Variants in ELAVL4 observed in about 807,000 individuals in gnomAD.
ELAVL4 encodes the protein ELAV-like protein 4.
ELAVL4 carries 1 observed loss-of-function variant against 35.6 expected under a neutral mutation model. The observed-to-expected ratio is 0.03, with a 90% CI of 0.01 to 0.13. The LOEUF (loss-of-function observed/expected upper bound fraction) is 0.13. ELAVL4 is among the 10% of genes least tolerant of loss of function. The pLI is 1.00. For missense variants in ELAVL4, 267 were observed against 464.9 expected (o/e 0.57, Z 3.91); for synonymous variants, 156 against 171.0 (o/e 0.91, Z 0.69).
upstream of ELAVL4, among the ~76,000 whole-genome samples, chr1:50,099,538 G>A (rs1351056097): frequency 7.1e-6 from 1 of 140,272 alleles, no homozygotes; most frequent in Non-Finnish European, 1.5e-5. Flanking sequence ...TCCAGCCTGG[G>A]TGACAGAGCG....
exon 1 of ELAVL4, chr1:50,048,059 C>A: frequency 7.6e-7 from 1 of 1,312,422 alleles, no homozygotes; most frequent in Non-Finnish European, 9.9e-7. Flanking sequence ...AGCCGCAGAG[C>A]GAGCTAGAGA....
At chr1:50,054,291 G>C in intron 1 of ELAVL4, among the ~76,000 whole-genome samples, 1 of 152,182 alleles carries the variant, frequency 6.6e-6, no homozygotes, top group East Asian at 1.9e-4. Context: ...GCAGAAGTTA[G>C]ATTAGGATCT....
Position 50,203,439 on chromosome 1 carries a change from G to A in ELAVL4, c.*2261G>A, listed in dbSNP as rs1054174381. The A allele has an allele frequency of 2.0e-5, 3 of 151,652 alleles. No homozygotes were observed. The highest frequency in any genetic ancestry group is 2.1e-4 in the South Asian group (1 of 4,804). The allele number at this position is 151,652 out of a possible 1,614,324, so 9.4% of individuals were successfully genotyped here. On this transcript the variant is annotated 3_prime_UTR_variant, in exon 7 of 7. Coordinates refer to ENST00000371824, the MANE Select transcript of ELAVL4 (RefSeq NM_001144774.3). ...CCAGATTTCAGTTCAGAGAACACTC[G>A]TTCAACATTCAGGGAAAGCTTTTTA...
At chr1:50,078,236 A>G (rs138486906) in intron 1 of ELAVL4, among the ~76,000 whole-genome samples, 1 of 152,040 alleles carries the variant, frequency 6.6e-6, no homozygotes, top group East Asian at 1.9e-4. Flanking sequence ...GCAAACTCTC[A>G]TGCCTTCAGG....
rs757262535 is a variant in ELAVL4, at chr1:50,156,027, G to GCA, written c.250+10832_250+10833dup. Among the ~76,000 whole-genome samples, 583 of 143,010 alleles carry GCA rather than the reference G, an allele frequency of 4.1e-3. 3 individuals are homozygous for GCA. The highest frequency in any genetic ancestry group is 6.3e-3 in the Non-Finnish European group (415 of 65,408). The allele number at this position is 143,010 out of a possible 152,430, so 93.8% of individuals were successfully genotyped here. A position where few individuals can be genotyped will look rare whatever the true frequency, so the allele number is the denominator to read the frequency against. ...TTCTGGCATGCATGTGCGTGCACAG[G>GCA]CACGCACACACACACACACACACAT... On this transcript the variant is annotated intron_variant, in intron 2 of 6. Coordinates refer to ENST00000371824, the MANE Select transcript of ELAVL4 (RefSeq NM_001144774.3).
intron 1 of ELAVL4, among the ~76,000 whole-genome samples, chr1:50,121,184 C>T (rs1668970270): frequency 6.6e-6 from 1 of 152,006 alleles, no homozygotes; most frequent in African/African-American, 2.4e-5. Context: ...TTGGATCTGT[C>T]ATCAACTTCT....
intron 1 of ELAVL4, among the ~76,000 whole-genome samples, chr1:50,066,508 T>A (rs1201823119): frequency 6.6e-6 from 1 of 152,210 alleles, no homozygotes; most frequent in African/African-American, 2.4e-5. Flanking sequence ...TTTCCATGTC[T>A]AACTGCTGTT....
At chr1:50,099,560 C>CAAAAAAA (rs750905424), upstream of ELAVL4, among the ~76,000 whole-genome samples, 9 of 56,210 alleles carry the variant, frequency 1.6e-4, no homozygotes, top group African/African-American at 2.3e-4. Context: ...AACTCCGCCT[C>CAAAAAAA]AAAAAAAAAA....
intron 3 of ELAVL4, chr1:50,180,611 T>A (rs1680877772): frequency 6.6e-6 from 1 of 152,172 alleles, no homozygotes; most frequent in Admixed American, 6.5e-5. Context: ...AAGAGCATGA[T>A]GTGTAATTAA....
At chr1:50,106,483 T>C, upstream of ELAVL4, 1 of 998,686 alleles carries the variant, frequency 1.0e-6, no homozygotes, top group South Asian at 1.4e-5. Context: ...CAAGTTTCTT[T>C]CTGTGGTGGT....
intron 3 of ELAVL4, among the ~76,000 whole-genome samples, chr1:50,192,521 A>G (rs960192915): frequency 1.5e-4 from 14 of 95,316 alleles, no homozygotes; most frequent in Non-Finnish European, 2.2e-4. Context: ...GTGTGCACGC[A>G]CACACACACA....
intron 3 of ELAVL4, among the ~76,000 whole-genome samples, chr1:50,187,266 G>A (rs1394163023): frequency 6.6e-6 from 1 of 152,156 alleles, no homozygotes; most frequent in Non-Finnish European, 1.5e-5. Flanking sequence ...AGGGACTGTT[G>A]TATTCATCTC....
chr1:50,093,774 G>C (rs953663572), intron 1 of ELAVL4, among the ~76,000 whole-genome samples: 2 of 152,180 alleles, frequency 1.3e-5, no homozygotes, highest in African/African-American at 4.8e-5. Flanking sequence ...TGAACAAAAC[G>C]TGGTCTCTCC....
chr1:50,124,338 A>G (rs760550854), intron 1 of ELAVL4, among the ~76,000 whole-genome samples: 1 of 152,054 alleles, frequency 6.6e-6, no homozygotes, highest in Non-Finnish European at 1.5e-5. Context: ...AATAATAGTG[A>G]CCCTTTATGT....
In ELAVL4 at chr1:50,140,598, AT is replaced by A. The variant is rs201011246; in HGVS notation, c.10-4349del. On this transcript the variant is annotated intron_variant, in intron 1 of 6. Transcript: ENST00000371824. ...TTGATTCTGATGTTTTACATTTCTGATTTTTTTTTTCAGCCTGTGTTGCATC... is the reference window on the plus strand; with the variant it reads ...TTGATTCTGATGTTTTACATTTCTGATTTTTTTTTCAGCCTGTGTTGCATC... Among the ~76,000 whole-genome samples, 471 of 149,722 alleles carry A rather than the reference AT, an allele frequency of 3.1e-3. 1 individual carries two copies. The highest frequency in any genetic ancestry group is 8.6e-3 in the African/African-American group (353 of 40,826).
intron 1 of ELAVL4, among the ~76,000 whole-genome samples, chr1:50,116,460 G>A (rs1045642349): frequency 1.3e-5 from 2 of 151,682 alleles, no homozygotes; most frequent in Non-Finnish European, 2.9e-5. Flanking sequence ...AGACAGCTGG[G>A]AGCCCCGGTG....
intron 3 of ELAVL4, among the ~76,000 whole-genome samples, chr1:50,179,051 T>A (rs554429517): frequency 2.4e-4 from 37 of 152,048 alleles, no homozygotes; most frequent in African/African-American, 8.7e-4. Context: ...ATGTACCCCC[T>A]AGCCCATCAT....
exon 1 of ELAVL4, chr1:50,048,070 G>A: frequency 7.3e-7 from 1 of 1,377,400 alleles, no homozygotes; most frequent in African/African-American, 1.5e-5. Flanking sequence ...GAGCTAGAGA[G>A]CGAGAGCGGT....
chr1:50,104,922 T>C (rs148019298), upstream of ELAVL4, among the ~76,000 whole-genome samples: 296 of 152,322 alleles, frequency 1.9e-3, 2 homozygotes, highest in African/African-American at 6.8e-3. Context: ...AAGTTAGCTA[T>C]ACATCCAAAA....
Sources: gnomAD v4.1 joint callset for allele counts (sites outside exome capture counted in the v4.1 genomes callset) on GRCh38, gnomAD v4.1.1 for gene constraint, MANE v1.5 for transcripts, NCBI Gene and HGNC (gene_info 2026-07-23, HGNC 2026-07-21) for gene names.